The following PLPP3 variants were observed in gnomAD, a reference collection of about 807,000 sequenced individuals.
PLPP3 encodes PAP2 beta.
Under a neutral mutation model 29.6 loss-of-function variants are expected in PLPP3, and 6 were observed. The ratio of observed to expected loss-of-function variants is 0.20; its 90% CI spans 0.11 to 0.40. The LOEUF (loss-of-function observed/expected upper bound fraction) is 0.40. Among genes scored for constraint, PLPP3 ranks in the 10% least tolerant of loss-of-function variants. PLPP3 has a pLI of 1.00. For missense variants in PLPP3, 308 were observed against 407.7 expected (o/e 0.76, Z 2.11); for synonymous variants, 152 against 159.7 (o/e 0.95, Z 0.36).
chr1:56,552,095 GTTTGT>G (rs1190704772), intron 1 of PLPP3, among the ~76,000 whole-genome samples: 2 of 152,038 alleles, frequency 1.3e-5, no homozygotes, highest in African/African-American at 2.4e-5. Flanking sequence ...GTTTTTGTTT[GTTTGT>G]TTTAAGGTTC....
At chr1:56,518,742 G>A (rs1290338062) in intron 4 of PLPP3, among the ~76,000 whole-genome samples, 1 of 102,650 alleles carries the variant, frequency 9.7e-6, no homozygotes, top group African/African-American at 3.3e-5. Context: ...TATAGACAGG[G>A]TCTCACTATG....
chr1:56,538,543 T>C (rs1175453289), intron 1 of PLPP3: 7 of 384,094 alleles, frequency 1.8e-5, no homozygotes, highest in Admixed American at 1.5e-4. Flanking sequence ...GCCACGTATA[T>C]GAGAATCTAT....
intron 2 of PLPP3, among the ~76,000 whole-genome samples, chr1:56,533,228 T>C (rs116489106): frequency 0.026 from 3,905 of 152,214 alleles, 60 homozygotes; most frequent in South Asian, 0.095. Flanking sequence ...CTTATTTTTA[T>C]ACTTTTAGTA....
rs202156325 is a variant in PLPP3, at chr1:56,537,090, G to A, written c.162C>T (p.Ile54=). Residue 54 remains isoleucine (I), a synonymous_variant, in exon 2 of 6, where the codon ATC becomes ATT. Coordinates refer to ENST00000371250, the MANE Select transcript of PLPP3 (RefSeq NM_003713.5). ...LFMAGLPFLI[I]ETSTIKPYHR... is the part of the protein sequence containing the mutation. ...GGTAAGGCTTGATGGTGCTTGTCTCGATGATGAGGAAGGGGAGGCCCGCTG... is the reference window on the plus strand; with the variant it reads ...GGTAAGGCTTGATGGTGCTTGTCTCAATGATGAGGAAGGGGAGGCCCGCTG... The A allele has an allele frequency of 2.2e-5, 36 of 1,613,312 alleles. No individual in the cohort carries two copies. Among genetic ancestry groups the A allele is most frequent in the South Asian group, 4.4e-5 (4 of 91,028 alleles).
chr1:56,529,987 T>A (rs1324870082), intron 2 of PLPP3, among the ~76,000 whole-genome samples: 1 of 152,118 alleles, frequency 6.6e-6, no homozygotes, highest in Non-Finnish European at 1.5e-5. Context: ...GCATAAAGCA[T>A]CATTGTTTTC....
intron 2 of PLPP3, among the ~76,000 whole-genome samples, chr1:56,532,475 G>A (rs916806723): frequency 6.6e-6 from 1 of 152,130 alleles, no homozygotes; most frequent in African/African-American, 2.4e-5. Flanking sequence ...AAAGGGAGAT[G>A]GAGGGGTGGG....
chr1:56,569,973 T>C (rs542332417), intron 1 of PLPP3, among the ~76,000 whole-genome samples: 3 of 152,326 alleles, frequency 2.0e-5, no homozygotes, highest in Admixed American at 6.5e-5. Context: ...ACTGTGCTGC[T>C]AGAGTAGGCC....
intron 1 of PLPP3, among the ~76,000 whole-genome samples, chr1:56,570,788 G>A (rs1646192296): frequency 6.6e-6 from 1 of 152,066 alleles, no homozygotes; most frequent in African/African-American, 2.4e-5. Context: ...TTGAAAACAT[G>A]GAGTCTCTTT....
At chr1:56,536,881 C>A (rs1645930402) in intron 2 of PLPP3, 74 bp downstream of exon 2, 3 of 1,562,528 alleles carry the variant, frequency 1.9e-6, no homozygotes, top group Admixed American at 3.5e-5. Flanking sequence ...TCTCTGTTGG[C>A]TCAGACATTC....
At chr1:56,527,077 C>T (rs2100253353) in intron 2 of PLPP3, among the ~76,000 whole-genome samples, 1 of 152,270 alleles carries the variant, frequency 6.6e-6, no homozygotes, top group Non-Finnish European at 1.5e-5. Context: ...TCAGATGAGT[C>T]ACCTTTCTGC....
At chr1:56,567,781 T>C (rs1027708158) in intron 1 of PLPP3, among the ~76,000 whole-genome samples, 1 of 152,154 alleles carries the variant, frequency 6.6e-6, no homozygotes, top group Non-Finnish European at 1.5e-5. Flanking sequence ...GGAGTTACTA[T>C]ATGATCCAGG....
At chr1:56,575,228 C>T (rs987757632) in intron 1 of PLPP3, among the ~76,000 whole-genome samples, 5 of 152,212 alleles carry the variant, frequency 3.3e-5, no homozygotes, top group Admixed American at 1.3e-4. Flanking sequence ...ACCGACTCAT[C>T]CACACAATGC....
At chr1:56,501,806 A>G (rs1201110903) in intron 5 of PLPP3, among the ~76,000 whole-genome samples, 2 of 152,226 alleles carry the variant, frequency 1.3e-5, no homozygotes, top group African/African-American at 4.8e-5. Flanking sequence ...GGGAAAAAAG[A>G]GTGGTTGAGA....
In PLPP3 at chr1:56,579,065, C is replaced by T; in HGVS notation, c.-49G>A. Reference sequence around the variant, plus strand: ...CCCGCCCCGCGAAGACGTCCCGCAACAGCAGCCACACACCCAGGCGCCCGG... The same window carrying T: ...CCCGCCCCGCGAAGACGTCCCGCAATAGCAGCCACACACCCAGGCGCCCGG... On this transcript the variant is annotated 5_prime_UTR_variant, in exon 1 of 6. Coordinates refer to ENST00000371250, the MANE Select transcript of PLPP3 (RefSeq NM_003713.5). The T allele has an allele frequency of 1.9e-6, 3 of 1,568,866 alleles. No homozygotes were observed. The highest frequency in any genetic ancestry group is 1.7e-6 in the Non-Finnish European group (2 of 1,163,934).
chr1:56,501,250 T>G (rs1645666224), intron 5 of PLPP3, among the ~76,000 whole-genome samples: 1 of 152,134 alleles, frequency 6.6e-6, no homozygotes, highest in South Asian at 2.1e-4. Flanking sequence ...AATGTTTTTC[T>G]TTCTAGTTCT....
At chr1:56,558,923 A>C (rs1557514312) in intron 1 of PLPP3, among the ~76,000 whole-genome samples, 1 of 152,208 alleles carries the variant, frequency 6.6e-6, no homozygotes, top group Non-Finnish European at 1.5e-5. Context: ...ACCTCCAACT[A>C]TCAGGCACTG....
At chr1:56,529,266 C>A (rs993075) in intron 2 of PLPP3, among the ~76,000 whole-genome samples, 1 of 151,862 alleles carries the variant, frequency 6.6e-6, no homozygotes, top group Non-Finnish European at 1.5e-5. Flanking sequence ...GGGCTTCCTC[C>A]TTCTAATTCC....
At chr1:56,560,582 C>A (rs1646114481) in intron 1 of PLPP3, among the ~76,000 whole-genome samples, 1 of 152,094 alleles carries the variant, frequency 6.6e-6, no homozygotes, top group South Asian at 2.1e-4. Flanking sequence ...CTAAAAAGCT[C>A]CCTCAGTCCT....
intron 1 of PLPP3, among the ~76,000 whole-genome samples, chr1:56,577,357 G>A (rs1045511941): frequency 6.6e-6 from 1 of 152,142 alleles, no homozygotes; most frequent in Admixed American, 6.5e-5. Context: ...AATTAATGTT[G>A]AGAGACGTGG....
Sources: allele counts gnomAD v4.1 joint callset (sites outside exome capture counted in the v4.1 genomes callset), GRCh38; gene constraint gnomAD v4.1.1; transcripts MANE v1.5; gene names NCBI Gene and HGNC (gene_info 2026-07-23, HGNC 2026-07-21).